ZNF516: variants seen among roughly 807,000 people sequenced by gnomAD.
ZNF516 encodes the protein zinc finger protein 516.
A neutral mutation model predicts 79.7 loss-of-function variants in ZNF516; 19 were observed. That is an observed-to-expected ratio of 0.24 (90% CI 0.17 to 0.35). The LOEUF (loss-of-function observed/expected upper bound fraction) is 0.35, where lower values mean the gene tolerates loss of function less well. Among genes scored for constraint, ZNF516 ranks in the 10% least tolerant of loss-of-function variants. The pLI is 1.00. For synonymous variants in ZNF516, 877 were observed against 739.5 expected (o/e 1.19, Z -3.02); for missense variants, 1,678 against 1,679.5 (o/e 1.00, Z 0.02).
chr18:76,486,271 C>A (rs377607583), intron 1 of ZNF516, among the ~76,000 whole-genome samples: 10 of 152,298 alleles, frequency 6.6e-5, no homozygotes, highest in African/African-American at 2.4e-4. Flanking sequence ...TTCTCGAATG[C>A]TAAAATAAAT....
intron 3 of ZNF516, among the ~76,000 whole-genome samples, chr18:76,408,359 G>T (rs2075329283): frequency 6.6e-6 from 1 of 152,242 alleles, no homozygotes; most frequent in African/African-American, 2.4e-5. Flanking sequence ...CCGAGGGGCT[G>T]CGGCGTGCGT....
At chr18:76,483,429 C>A (rs2145794694) in intron 1 of ZNF516, among the ~76,000 whole-genome samples, 1 of 152,338 alleles carries the variant, frequency 6.6e-6, no homozygotes, top group African/African-American at 2.4e-5. Flanking sequence ...TCTGCCGCCT[C>A]CCTGCCCACT....
chr18:76,453,707 T>C (rs1235468888), intron 2 of ZNF516, among the ~76,000 whole-genome samples: 1 of 152,212 alleles, frequency 6.6e-6, no homozygotes, highest in Non-Finnish European at 1.5e-5. Context: ...ATATAAAATT[T>C]CTTAAAATTT....
At chr18:76,483,604 G>A (rs1914656823) in intron 1 of ZNF516, among the ~76,000 whole-genome samples, 1 of 152,178 alleles carries the variant, frequency 6.6e-6, no homozygotes, top group Non-Finnish European at 1.5e-5. Flanking sequence ...TTAAGAAGGT[G>A]AGTCTCAGGG....
chr18:76,377,255 G>C (rs981688614), intron 4 of ZNF516, among the ~76,000 whole-genome samples: 2 of 152,252 alleles, frequency 1.3e-5, no homozygotes, highest in Admixed American at 6.5e-5. Context: ...CCACTCCTGA[G>C]TCACACCTCA....
rs562212720 is a variant in ZNF516, at chr18:76,451,775, C to T, written c.-157-8564G>A. Among the ~76,000 whole-genome samples the T allele has an allele frequency of 6.6e-6, 1 of 152,314 alleles. No individual in the cohort carries two copies. Among genetic ancestry groups the T allele is most frequent in the South Asian group, 2.1e-4 (1 of 4,828 alleles). ...ACCATGAATTAAAATACATCATTAA[C>T]ATCCTGGACAAGCTTATCTTACTAC... On this transcript the variant is annotated intron_variant, in intron 2 of 6. Coordinates refer to ENST00000443185, the MANE Select transcript of ZNF516 (RefSeq NM_014643.4). This position sits in a 1 kb window ranked among gnomAD's most constrained non-coding sequence, Gnocchi z 6.0.
intron 2 of ZNF516, among the ~76,000 whole-genome samples, chr18:76,457,140 G>C (rs530990835): frequency 6.6e-6 from 1 of 152,356 alleles, no homozygotes; most frequent in African/African-American, 2.4e-5. Context: ...GTAGGTATAT[G>C]TTTATTACAC....
chr18:76,492,459 C>A, intron 1 of ZNF516: 1 of 727,430 alleles, frequency 1.4e-6, no homozygotes, highest in South Asian at 6.1e-5. Flanking sequence ...CTTTCACTGG[C>A]CACGAGCGCT....
intron 3 of ZNF516, among the ~76,000 whole-genome samples, chr18:76,439,102 A>G (rs1173896806): frequency 6.6e-6 from 1 of 152,266 alleles, no homozygotes; most frequent in African/African-American, 2.4e-5. Context: ...TATGAGATTC[A>G]AAATACCCAG....
At chr18:76,440,765 C>CGT (rs1162462303) in intron 3 of ZNF516, among the ~76,000 whole-genome samples, 9 of 99,996 alleles carry the variant, frequency 9.0e-5, no homozygotes, top group South Asian at 2.9e-4. Flanking sequence ...TGTGTGTGCG[C>CGT]GCACGCGCGC....
At chr18:76,366,509 A>G (rs1156848543) in intron 6 of ZNF516, among the ~76,000 whole-genome samples, 10 of 152,252 alleles carry the variant, frequency 6.6e-5, no homozygotes, top group Non-Finnish European at 1.0e-4. Flanking sequence ...AACAAAGAGA[A>G]GCACGCTGGC....
chr18:76,380,194 G>T lies in ZNF516; in HGVS notation c.1920C>A (p.Gly640=), dbSNP rs766227825. ...AAGCTGCGATCCCTGCCTTGGACTC[G>T]CCGGTGTCTCTTTCCGAGGCGTTAT... ...MGDNASERDT[G]ESKAGIAASV... Residue 640 remains glycine (G), a synonymous_variant, in exon 4 of 7, where the codon GGC becomes GGA. Coordinates refer to ENST00000443185, the MANE Select transcript of ZNF516 (RefSeq NM_014643.4). 2.5e-6 allele frequency: 4 copies of T among 1,613,918 alleles called. No homozygotes were observed. The highest frequency in any genetic ancestry group is 2.5e-6 in the Non-Finnish European group (3 of 1,179,876).
In ZNF516 at chr18:76,493,075, G is replaced by A; in HGVS notation, c.-272+2069C>T. The A allele has an allele frequency of 2.0e-6, 2 of 985,046 alleles. No homozygotes were observed. Among genetic ancestry groups the A allele is most frequent in the South Asian group, 4.7e-5 (1 of 21,260 alleles). The allele number at this position is 985,046 out of a possible 1,614,324, so 61.0% of individuals were successfully genotyped here. A position where few individuals can be genotyped will look rare whatever the true frequency, so the allele number is the denominator to read the frequency against. ...CCGTCACTCACGCCCAGGGGGCAGG[G>A]AGACTTCGCAAAGCTGTTTCCTTTT... is the stretch of plus-strand genomic sequence containing the variant. On this transcript the variant is annotated intron_variant, in intron 1 of 6. Coordinates refer to ENST00000443185, the MANE Select transcript of ZNF516 (RefSeq NM_014643.4). This position sits in a 1 kb window ranked among gnomAD's most constrained non-coding sequence, Gnocchi z 5.2.
Position 76,371,584 on chromosome 18 carries a change from G to A in ZNF516, c.3260-13C>T, listed in dbSNP as rs939905337. 1 of 1,598,084 alleles carries A rather than the reference G, an allele frequency of 6.3e-7. No individual in the cohort carries two copies. The highest frequency in any genetic ancestry group is 8.5e-7 in the Non-Finnish European group (1 of 1,173,270). ...GTCCGGAGTGTCCCTGCGGTGGCGA[G>A]GTGGTGGTGGTGGCAGGGCCGTGGT... On this transcript the variant is annotated splice_polypyrimidine_tract_variant and intron_variant, in intron 4 of 6. Coordinates refer to ENST00000443185, the MANE Select transcript of ZNF516 (RefSeq NM_014643.4).
At chr18:76,469,974 T>C (rs1913730427) in intron 1 of ZNF516, among the ~76,000 whole-genome samples, 1 of 152,218 alleles carries the variant, frequency 6.6e-6, no homozygotes, top group African/African-American at 2.4e-5. Flanking sequence ...AATGAGATAA[T>C]ATTTATAAGG....
intron 3 of ZNF516, chr18:76,388,928 T>C (rs1384931331): frequency 1.3e-5 from 2 of 152,168 alleles, no homozygotes; most frequent in Non-Finnish European, 2.9e-5. Context: ...CTCTGAACCA[T>C]ACATGGAAGA....
At chr18:76,418,296 C>T (rs2075460518) in intron 3 of ZNF516, among the ~76,000 whole-genome samples, 3 of 152,022 alleles carry the variant, frequency 2.0e-5, no homozygotes, top group Admixed American at 6.5e-5. Flanking sequence ...CGCACTATAA[C>T]ACACACGCTG....
At chr18:76,398,721 G>T (rs1001561902) in intron 3 of ZNF516, among the ~76,000 whole-genome samples, 9 of 152,168 alleles carry the variant, frequency 5.9e-5, no homozygotes, top group African/African-American at 2.2e-4. Context: ...GTTTTAAGAG[G>T]CATAGGAGGG....
intron 1 of ZNF516, among the ~76,000 whole-genome samples, chr18:76,491,228 C>T (rs1418268861): frequency 6.7e-6 from 1 of 149,202 alleles, no homozygotes; most frequent in African/African-American, 2.5e-5. Context: ...CTGCCCCGGC[C>T]CGGAGCCCCG....
Sources: allele counts gnomAD v4.1 joint callset (sites outside exome capture counted in the v4.1 genomes callset), GRCh38; gene constraint gnomAD v4.1.1; non-coding constraint Gnocchi (gnomAD v3.1); transcripts MANE v1.5; gene names NCBI Gene and HGNC (gene_info 2026-07-23, HGNC 2026-07-21).